Variants in MAGI2 observed in about 807,000 individuals in gnomAD.
MAGI2 encodes membrane-associated guanylate kinase, WW and PDZ domain-containing protein 2.
In MAGI2, 35 loss-of-function variants were observed where a neutral mutation model predicts 133.3. The observed-to-expected ratio is 0.26, with a 90% CI of 0.20 to 0.35. The LOEUF is 0.35. Ranked by LOEUF, MAGI2 falls within the 10% of genes least tolerant of loss-of-function variation. The pLI is 1.00. For synonymous variants in MAGI2, 729 were observed against 710.6 expected (o/e 1.03, Z -0.41); for missense variants, 1,636 against 1,863.4 (o/e 0.88, Z 2.25).
At chr7:78,191,076 A>G (rs1443994601) in intron 12 of MAGI2, among the ~76,000 whole-genome samples, 1 of 152,222 alleles carries the variant, frequency 6.6e-6, no homozygotes, top group Non-Finnish European at 1.5e-5. Flanking sequence ...GGGAATTGGT[A>G]GTAATGACTT....
chr7:78,886,189 A>G (rs796748903), intron 2 of MAGI2, among the ~76,000 whole-genome samples: 58 of 152,330 alleles, frequency 3.8e-4, no homozygotes, highest in African/African-American at 1.3e-3. Flanking sequence ...CTTACCTATT[A>G]ATGAGAAACA....
rs140322551 is a variant in MAGI2 at position 78,037,405 on chromosome 7, A to G, written c.3707-17429T>C. 2.1e-4 allele frequency among the ~76,000 whole-genome samples: 32 copies of G among 152,248 alleles called. 1 individual carries two copies. Among genetic ancestry groups the G allele is most frequent in the African/African-American group, 7.0e-4 (29 of 41,528 alleles). ...GTGATAATAAAGAACAAAAGATGAGACTATTTGGAACCATCTGAGCCCTCA... is the reference window on the plus strand; with the variant it reads ...GTGATAATAAAGAACAAAAGATGAGGCTATTTGGAACCATCTGAGCCCTCA... On this transcript the variant is annotated intron_variant, in intron 21 of 21. Coordinates refer to ENST00000354212, the MANE Select transcript of MAGI2 (RefSeq NM_012301.4).
chr7:78,942,751 C>T (rs985243246), intron 2 of MAGI2, among the ~76,000 whole-genome samples: 2 of 151,938 alleles, frequency 1.3e-5, no homozygotes, highest in South Asian at 2.1e-4. Context: ...TATGCATTTG[C>T]TTGTTAAAAT....
At chr7:78,807,523 C>T (rs897137750) in intron 2 of MAGI2, among the ~76,000 whole-genome samples, 6 of 152,016 alleles carry the variant, frequency 3.9e-5, no homozygotes, top group Non-Finnish European at 8.8e-5. Context: ...CTACTCATGA[C>T]AGAATGACAG....
intron 10 of MAGI2, among the ~76,000 whole-genome samples, chr7:78,234,981 T>G (rs958493990): frequency 3.3e-5 from 5 of 152,170 alleles, no homozygotes; most frequent in African/African-American, 4.8e-5. Flanking sequence ...TTTTTTTAAT[T>G]TAAGTTTTAA....
intron 2 of MAGI2, among the ~76,000 whole-genome samples, chr7:78,742,674 A>G (rs562742030): frequency 3.0e-4 from 45 of 152,326 alleles, no homozygotes; most frequent in African/African-American, 1.0e-3. Context: ...CCCCTATCTC[A>G]AATGTTCTTC....
chr7:78,657,868 G>A (rs929728940), intron 2 of MAGI2, among the ~76,000 whole-genome samples: 11 of 152,058 alleles, frequency 7.2e-5, no homozygotes, highest in Non-Finnish European at 1.5e-4. Context: ...AGTGGGTGAC[G>A]TTAATCATGG....
chr7:78,366,757 T>G (rs1349742931), intron 7 of MAGI2, among the ~76,000 whole-genome samples: 1 of 152,184 alleles, frequency 6.6e-6, no homozygotes, highest in African/African-American at 2.4e-5. Context: ...TAACATTGTC[T>G]TTAAGTTTGA....
At chr7:78,988,736 A>C in intron 2 of MAGI2, among the ~76,000 whole-genome samples, 1 of 152,170 alleles carries the variant, frequency 6.6e-6, no homozygotes, top group South Asian at 2.1e-4. Context: ...CAATGAACTG[A>C]CCACCGTGTA....
chr7:79,410,496 A>T (rs531085969), intron 1 of MAGI2: 2 of 152,282 alleles, frequency 1.3e-5, no homozygotes, highest in East Asian at 3.9e-4. Context: ...CTCTCTCTTG[A>T]GTAAAGAATG....
intron 2 of MAGI2, among the ~76,000 whole-genome samples, chr7:78,754,825 T>C (rs1563458592): frequency 6.6e-6 from 1 of 152,226 alleles, no homozygotes; most frequent in Non-Finnish European, 1.5e-5. Flanking sequence ...ACCACTTGCA[T>C]CTTAATTTTA....
chr7:79,331,793 T>A lies in MAGI2; in HGVS notation c.301+121227A>T, dbSNP rs191645421. 7.9e-5 allele frequency among the ~76,000 whole-genome samples: 12 copies of A among 152,198 alleles called. No individual in the cohort carries two copies. In the East Asian group the frequency reaches 2.1e-3, roughly 27 times the overall value. On this transcript the variant is annotated intron_variant, in intron 1 of 21. Coordinates refer to ENST00000354212, the MANE Select transcript of MAGI2 (RefSeq NM_012301.4). ...TATAAAAGGTCAACTAGTAATTTTT[T>A]AAAAAGGTATCATTTTTCGCCTAAA...
chr7:79,448,889 G>A (rs1035048104), intron 1 of MAGI2, among the ~76,000 whole-genome samples: 4 of 151,956 alleles, frequency 2.6e-5, no homozygotes, highest in South Asian at 2.1e-4. Flanking sequence ...TTTAACATTC[G>A]AGGTCATACC....
At chr7:79,085,490 AG>A (rs1816407785) in intron 1 of MAGI2, among the ~76,000 whole-genome samples, 1 of 151,890 alleles carries the variant, frequency 6.6e-6, no homozygotes, top group African/African-American at 2.4e-5. Context: ...GTGCTTCATC[AG>A]GAACAGTTTC....
rs1484583115 is a variant in MAGI2 at position 79,256,728 on chromosome 7, C to T, written c.301+196292G>A. The stretch of plus-strand genomic sequence containing the variant: ...CTAGTCTCAAACTTCTGGGCTCAAG[C>T]GATCCTGCCACCTTGGCTTCCCAAA... On this transcript the variant is annotated intron_variant, in intron 1 of 21. Transcript: ENST00000354212. Among the ~76,000 whole-genome samples, 3 of 151,902 alleles carry T rather than the reference C, an allele frequency of 2.0e-5. No homozygotes were observed. The East Asian group carries it at 5.8e-4, about 29-fold the overall frequency.
At chr7:78,279,693 T>C (rs867761575) in intron 9 of MAGI2, among the ~76,000 whole-genome samples, 3 of 152,094 alleles carry the variant, frequency 2.0e-5, no homozygotes, top group Admixed American at 6.6e-5. Flanking sequence ...AGTCATGGGA[T>C]ATATACATGT....
chr7:79,325,582 G>A (rs1839627573), intron 1 of MAGI2, among the ~76,000 whole-genome samples: 1 of 152,108 alleles, frequency 6.6e-6, no homozygotes, highest in Admixed American at 6.6e-5. Flanking sequence ...ATATTCTAAG[G>A]GGAGAAAGCA....
intron 6 of MAGI2, among the ~76,000 whole-genome samples, chr7:78,388,650 A>G (rs898471440): frequency 6.6e-6 from 1 of 152,196 alleles, no homozygotes; most frequent in African/African-American, 2.4e-5. Flanking sequence ...AATGGAAGAG[A>G]GGACCTGATT....
intron 21 of MAGI2, among the ~76,000 whole-genome samples, chr7:78,074,590 T>A (rs1455558371): frequency 1.3e-5 from 2 of 152,266 alleles, no homozygotes; most frequent in Non-Finnish European, 2.9e-5. Flanking sequence ...CTCAAGTATT[T>A]AATTTTCCTT....
Sources: allele counts gnomAD v4.1 joint callset (sites outside exome capture counted in the v4.1 genomes callset), GRCh38; gene constraint gnomAD v4.1.1; transcripts MANE v1.5; gene names NCBI Gene and HGNC (gene_info 2026-07-23, HGNC 2026-07-21).